The following TEX11 variants were observed in gnomAD, a reference collection of about 807,000 sequenced individuals.
The protein encoded by TEX11 is testis-expressed protein 11.
A neutral mutation model predicts 84.4 loss-of-function variants in TEX11; 7 were observed. That is an observed-to-expected ratio of 0.08 (90% CI 0.05 to 0.16). TEX11 has a LOEUF of 0.16. Ranked by LOEUF, TEX11 falls within the 10% of genes least tolerant of loss-of-function variation. The probability of loss-of-function intolerance (pLI) is 1.00; values close to 1 mark genes in which losing one functional copy is unlikely to be tolerated. For missense variants in TEX11, 551 were observed against 660.5 expected, an observed-to-expected ratio of 0.83 and a Z score of 1.82; for synonymous variants, 264 against 222.8, an observed-to-expected ratio of 1.18 and a Z score of -1.64.
At chrX:70,701,203 C>G (rs1271770957) in intron 13 of TEX11, among the ~76,000 whole-genome samples, 2 of 112,147 alleles carry the variant, frequency 1.8e-5, no homozygotes, top group East Asian at 2.8e-4. Context: ...GAAGAAGATG[C>G]CATCTAGAAC....
intron 25 of TEX11, among the ~76,000 whole-genome samples, chrX:70,563,481 C>A (rs1376086998): frequency 8.9e-6 from 1 of 111,819 alleles, no homozygotes; most frequent in Non-Finnish European, 1.9e-5. Context: ...CTTTAAGAGG[C>A]AGCATGGAGA....
In TEX11 at chrX:70,722,665, G is replaced by A; in HGVS notation, c.957C>T (p.Pro319=). The change falls in exon 13 of 30, where the codon CCC becomes CCT. Residue 319 remains proline, a synonymous_variant. Transcript: ENST00000374333. ...TAGCAATGTTCAGACAGAAGTCTAA[G>A]GGCATGTCAAGATGTAGTATTTCCA... The part of the protein sequence containing the change: ...AVMEILHLDM[P]LDFCLNIAKL... The A allele has an allele frequency of 8.3e-7, 1 of 1,204,230 alleles. No homozygotes were observed. Among genetic ancestry groups the A allele is most frequent in the Non-Finnish European group, 1.1e-6 (1 of 889,358 alleles).
chrX:70,535,109 G>A (rs1178718907), intron 28 of TEX11, among the ~76,000 whole-genome samples: 1 of 111,952 alleles, frequency 8.9e-6, no homozygotes, highest in Non-Finnish European at 1.9e-5. Flanking sequence ...CACTTACCAT[G>A]TTTTCAAGGT....
chrX:70,540,409 A>G (rs2088027286), intron 28 of TEX11, among the ~76,000 whole-genome samples: 1 of 111,859 alleles, frequency 8.9e-6, no homozygotes, highest in Non-Finnish European at 1.9e-5. Flanking sequence ...TTGCAAAGCT[A>G]AAGATCTGTA....
chrX:70,905,034 G>A (rs750909592), intron 2 of TEX11, among the ~76,000 whole-genome samples: 6 of 112,177 alleles, frequency 5.3e-5, no homozygotes, highest in African/African-American at 1.6e-4. Context: ...CGGGTGCAGT[G>A]GCTCAAGGCC....
At chrX:70,569,994 G>A (rs1163362320) in intron 25 of TEX11, among the ~76,000 whole-genome samples, 2 of 112,117 alleles carry the variant, frequency 1.8e-5, no homozygotes, top group Non-Finnish European at 3.8e-5. Flanking sequence ...GTTTGTCTGT[G>A]CCCTGCCCCC....
At chrX:70,883,039 C>G (rs1420711153) in intron 2 of TEX11, among the ~76,000 whole-genome samples, 1 of 112,208 alleles carries the variant, frequency 8.9e-6, no homozygotes, top group Non-Finnish European at 1.9e-5. Context: ...ATGCAGTCAG[C>G]AAAGCTGGGT....
chrX:70,561,492 A>T (rs904340275), intron 25 of TEX11, among the ~76,000 whole-genome samples: 1 of 105,714 alleles, frequency 9.5e-6, no homozygotes, highest in African/African-American at 3.5e-5. Flanking sequence ...GGTTCAAGCA[A>T]TTCTTCTACC....
chrX:70,849,772 A>G (rs2091497657), intron 7 of TEX11, among the ~76,000 whole-genome samples: 1 of 112,239 alleles, frequency 8.9e-6, no homozygotes, highest in African/African-American at 3.2e-5. Flanking sequence ...CAAAGTCAAG[A>G]ATTATATAGT....
intron 9 of TEX11, among the ~76,000 whole-genome samples, chrX:70,774,947 A>G (rs1479500882): frequency 8.9e-6 from 1 of 112,157 alleles, no homozygotes; most frequent in African/African-American, 3.2e-5. Context: ...ACCTGACTCA[A>G]AATATATTAC....
intron 16 of TEX11, among the ~76,000 whole-genome samples, chrX:70,664,223 G>T (rs900809697): frequency 9.0e-6 from 1 of 111,375 alleles, no homozygotes; most frequent in African/African-American, 3.3e-5. Flanking sequence ...AACTTTCTTA[G>T]TATTTTTGGC....
rs892019963 is a variant in TEX11, at chrX:70,766,859, A to T, written c.693-22640T>A. On this transcript the variant is annotated intron_variant, in intron 9 of 29. Coordinates refer to ENST00000374333, the MANE Select transcript of TEX11 (RefSeq NM_031276.3). ...AGTGAACTCATTTTGAGTGTCAAGC[A>T]CATACACTGGAGAAAAGAAAGAGTC... 2.1e-4 allele frequency among the ~76,000 whole-genome samples: 23 copies of T among 112,104 alleles called. 1 individual carries two copies. In the Admixed American group the frequency reaches 2.1e-3, roughly 10 times the overall value.
chrX:70,888,967 G>A (rs1569461460), intron 2 of TEX11, among the ~76,000 whole-genome samples: 1 of 111,223 alleles, frequency 9.0e-6, no homozygotes, highest in African/African-American at 3.3e-5. Flanking sequence ...TTTTACCCTA[G>A]AATAGTATAT....
chrX:70,562,810 C>A (rs1052948738), intron 25 of TEX11, among the ~76,000 whole-genome samples: 2 of 112,268 alleles, frequency 1.8e-5, no homozygotes, highest in Non-Finnish European at 3.8e-5. Flanking sequence ...TCATGTTACC[C>A]CTTTATAGGG....
chrX:70,567,193 G>C (rs2088499181), intron 25 of TEX11, among the ~76,000 whole-genome samples: 1 of 111,082 alleles, frequency 9.0e-6, no homozygotes, highest in African/African-American at 3.3e-5. Flanking sequence ...TATTTGCGTA[G>C]AGGTGTTTGT....
At chrX:70,822,812 G>A (rs1328699572) in intron 8 of TEX11, among the ~76,000 whole-genome samples, 1 of 111,188 alleles carries the variant, frequency 9.0e-6, no homozygotes, top group Non-Finnish European at 1.9e-5. Flanking sequence ...CTAGAGAGTG[G>A]AAGCAAGACA....
intron 8 of TEX11, among the ~76,000 whole-genome samples, chrX:70,819,385 C>T (rs2091306655): frequency 9.0e-6 from 1 of 111,726 alleles, no homozygotes; most frequent in South Asian, 3.7e-4. Flanking sequence ...CAAAATTCAA[C>T]ATCCATTAAA....
At chrX:70,535,178 C>T (rs1282914177) in intron 28 of TEX11, among the ~76,000 whole-genome samples, 1 of 112,221 alleles carries the variant, frequency 8.9e-6, no homozygotes, top group Non-Finnish European at 1.9e-5. Context: ...AATAGTATTC[C>T]ATTGAATGGA....
intron 28 of TEX11, among the ~76,000 whole-genome samples, chrX:70,546,111 T>C (rs1215485547): frequency 8.9e-6 from 1 of 111,999 alleles, no homozygotes; most frequent in Non-Finnish European, 1.9e-5. Context: ...AACCCCAGTG[T>C]GGGAGAGTCA....
Sources: gnomAD v4.1 joint callset for allele counts (sites outside exome capture counted in the v4.1 genomes callset) on GRCh38, gnomAD v4.1.1 for gene constraint, MANE v1.5 for transcripts, NCBI Gene and HGNC (gene_info 2026-07-23, HGNC 2026-07-21) for gene names.